Variants in SPATA22 observed in about 807,000 individuals in gnomAD.
SPATA22 encodes spermatogenesis-associated protein 22.
SPATA22 carries 29 observed loss-of-function variants against 47.8 expected under a neutral mutation model. The ratio of observed to expected loss-of-function variants is 0.61; its 90% CI spans 0.45 to 0.83. The LOEUF is 0.83. Ranked by LOEUF, SPATA22 falls within the 40% of genes least tolerant of loss-of-function variation. The probability of loss-of-function intolerance (pLI) is 0.00; values close to 1 mark genes in which losing one functional copy is unlikely to be tolerated. For synonymous variants in SPATA22, 133 were observed against 140.9 expected (o/e 0.94, Z 0.40); for missense variants, 410 against 421.7 (o/e 0.97, Z 0.24).
intron 1 of SPATA22, among the ~76,000 whole-genome samples, chr17:3,489,719 G>C (rs374451414): frequency 1.3e-5 from 2 of 152,206 alleles, no homozygotes; most frequent in African/African-American, 4.8e-5. Flanking sequence ...GTTGGTAAAT[G>C]TGTAGGAAAA....
At chr17:3,504,275 G>T (rs563876689) in intron 1 of SPATA22, among the ~76,000 whole-genome samples, 58 of 152,220 alleles carry the variant, frequency 3.8e-4, no homozygotes, top group African/African-American at 1.3e-3. Flanking sequence ...CTTTTTCGAT[G>T]TCTACAATCT....
intron 5 of SPATA22, among the ~76,000 whole-genome samples, chr17:3,449,921 C>T (rs1188062516): frequency 1.3e-5 from 2 of 151,888 alleles, no homozygotes; most frequent in African/African-American, 2.4e-5. Flanking sequence ...GGCAAGAACA[C>T]AGCTCACTCT....
intron 1 of SPATA22, among the ~76,000 whole-genome samples, chr17:3,477,743 C>T (rs562267301): frequency 2.0e-5 from 3 of 152,084 alleles, no homozygotes; most frequent in African/African-American, 4.8e-5. Context: ...CATGAGCCAC[C>T]GCGCTGGGCC....
Position 3,462,481 on chromosome 17 carries a change from A to T in SPATA22, c.329+2T>A. 1 of 1,586,920 alleles carries T rather than the reference A, an allele frequency of 6.3e-7. No individual in the cohort carries two copies. Among genetic ancestry groups the T allele is most frequent in the South Asian group, 1.2e-5 (1 of 85,854 alleles). Reference sequence around the variant, plus strand: ...GAAGAAAGAAATTTTAAGTAGACTCACCTCCAACCACCCTGGCTTCTTCCA... The same window carrying T: ...GAAGAAAGAAATTTTAAGTAGACTCTCCTCCAACCACCCTGGCTTCTTCCA... On this transcript the variant is annotated splice_donor_variant, in intron 5 of 8. Coordinates refer to ENST00000572969, the MANE Select transcript of SPATA22 (RefSeq NM_001170698.2). LOFTEE classifies it high-confidence loss of function.
chr17:3,486,478 T>C (rs934956308), intron 1 of SPATA22, among the ~76,000 whole-genome samples: 3 of 152,218 alleles, frequency 2.0e-5, no homozygotes, highest in Non-Finnish European at 2.9e-5. Context: ...TTGTCATCTA[T>C]TCACTTGTTT....
intron 1 of SPATA22, among the ~76,000 whole-genome samples, chr17:3,478,492 A>G (rs951652477): frequency 5.9e-5 from 9 of 152,218 alleles, no homozygotes; most frequent in Middle Eastern, 3.2e-3. Context: ...ATGCTTATCT[A>G]TTGACCTAAG....
At chr17:3,494,209 G>T (rs1199858447) in intron 1 of SPATA22, 6 of 663,128 alleles carry the variant, frequency 9.0e-6, no homozygotes, top group Non-Finnish European at 1.7e-5. Flanking sequence ...TCACCATGTT[G>T]GCCAGGCTGT....
At chr17:3,468,160 T>G (rs895412667) in intron 2 of SPATA22, 6 of 152,200 alleles carry the variant, frequency 3.9e-5, no homozygotes, top group Non-Finnish European at 8.8e-5. Context: ...TGAGAATGCC[T>G]TAAAGAGTAA....
chr17:3,464,502 T>C (rs2073225463), intron 3 of SPATA22, among the ~76,000 whole-genome samples: 1 of 128,162 alleles, frequency 7.8e-6, no homozygotes, highest in Admixed American at 7.9e-5. Context: ...GAGGAGTGTC[T>C]CTGCCCGGCC....
chr17:3,494,675 G>A lies in SPATA22; in HGVS notation c.-74+18737C>T, dbSNP rs2279567. Among the ~76,000 whole-genome samples, 124,314 of 152,084 alleles carry A rather than the reference G, an allele frequency of 0.82. 51,902 individuals are homozygous for A. The highest frequency in any genetic ancestry group is 0.9 in the Non-Finnish European group (61,419 of 67,996). On this transcript the variant is annotated intron_variant, in intron 1 of 8. Transcript: ENST00000541913. Reference sequence around the variant, plus strand: ...GTGGACACACCAGTAAGTATGGCCTGCACGCTCAATGGAATTTATAGTGTA... The same window carrying A: ...GTGGACACACCAGTAAGTATGGCCTACACGCTCAATGGAATTTATAGTGTA...
At chr17:3,502,535 G>A (rs574547244) in intron 1 of SPATA22, 8 of 152,352 alleles carry the variant, frequency 5.3e-5, no homozygotes, top group South Asian at 4.1e-4. Flanking sequence ...GCGAAATCCA[G>A]AGGAGACTTT....
Position 3,440,259 on chromosome 17 carries a change from T to C in SPATA22, c.980A>G (p.Gln327Arg), listed in dbSNP as rs1269025349. Residue 327 changes from glutamine (Q) to arginine (R), a missense_variant, in exon 9 of 9, where the codon CAA becomes CGA. Coordinates refer to ENST00000572969, the MANE Select transcript of SPATA22 (RefSeq NM_001170698.2). ...AGACGCCGGTCTGACAGAAACACATTGGAAAATGTTCTTTTTCTGGTCATA... is the reference window on the plus strand; with the variant it reads ...AGACGCCGGTCTGACAGAAACACATCGGAAAATGTTCTTTTTCTGGTCATA... ...GNYDQKKNIF[Q>R]CVSVRPASVS... 6.2e-7 allele frequency: 1 copy of C among 1,611,406 alleles called. No homozygotes were observed. Among genetic ancestry groups the C allele is most frequent in the African/African-American group, 1.3e-5 (1 of 74,850 alleles).
At chr17:3,501,457 C>T (rs1407019608) in intron 1 of SPATA22, 1 of 152,402 alleles carries the variant, frequency 6.6e-6, no homozygotes, top group Non-Finnish European at 1.5e-5. Context: ...GAAGATGTAA[C>T]TGAACTGCTG....
chr17:3,492,844 C>T (rs2073847741), intron 1 of SPATA22, among the ~76,000 whole-genome samples: 1 of 152,012 alleles, frequency 6.6e-6, no homozygotes, highest in African/African-American at 2.4e-5. Flanking sequence ...AGGAGCAAAA[C>T]AATAAAAAAA....
rs141063680 is a variant in SPATA22 at position 3,462,558 on chromosome 17, G to A, written c.254C>T (p.Ser85Phe). 1.5e-4 allele frequency: 249 copies of A among 1,613,110 alleles called. No individual in the cohort carries two copies. The African/African-American group carries it at 3.0e-3, about 19-fold the overall frequency. The change falls in exon 5 of 9, where the codon TCT (serine) becomes TTT (phenylalanine). Residue 85 changes from serine (S) to phenylalanine (F), a missense_variant. Transcript: ENST00000572969. ...VDTGQIPHSV[S>F]RPLRSQDSVF... ...AGAATCTTGACTTCTCAGAGGACGA[G>A]AAACTGAATGTGGTATTTGCCTTTC...
chr17:3,491,469 A>T (rs1270653414), intron 1 of SPATA22, among the ~76,000 whole-genome samples: 1 of 152,156 alleles, frequency 6.6e-6, no homozygotes, highest in Non-Finnish European at 1.5e-5. Context: ...ATTCCTGGCC[A>T]GGCGCGGTGG....
intron 1 of SPATA22, among the ~76,000 whole-genome samples, chr17:3,470,296 C>T (rs2073398635): frequency 6.6e-6 from 1 of 152,138 alleles, no homozygotes; most frequent in African/African-American, 2.4e-5. Flanking sequence ...ACAACGAACA[C>T]TTGCCCACTG....
At chr17:3,467,391 T>C in intron 3 of SPATA22, 35 bp downstream of exon 3, 18 of 1,514,280 alleles carry the variant, frequency 1.2e-5, no homozygotes, top group Non-Finnish European at 1.6e-5. Flanking sequence ...TAGTTTTGTA[T>C]TTCCTGAAAA....
chr17:3,463,939 C>CCCTCTCCCTCTG (rs1378509384), intron 3 of SPATA22, among the ~76,000 whole-genome samples: 1 of 79,968 alleles, frequency 1.3e-5, no homozygotes, highest in South Asian at 4.1e-4. Context: ...CTCTCCCTCT[C>CCCTCTCCCTCTG]CCTCTCCCTC....
Sources: gnomAD v4.1 joint callset for allele counts (sites outside exome capture counted in the v4.1 genomes callset) on GRCh38, gnomAD v4.1.1 for gene constraint, MANE v1.5 for transcripts, NCBI Gene and HGNC (gene_info 2026-07-23, HGNC 2026-07-21) for gene names.